The following ABR variants were observed in gnomAD, a reference collection of about 807,000 sequenced individuals.
ABR encodes active breakpoint cluster region-related protein.
A neutral mutation model predicts 107.2 loss-of-function variants in ABR; 35 were observed. The ratio of observed to expected loss-of-function variants is 0.33; its 90% CI spans 0.25 to 0.43. ABR has a LOEUF of 0.43. ABR is among the 20% of genes least tolerant of loss of function. The pLI is 1.00. For missense variants in ABR, 815 were observed against 1,115.2 expected (o/e 0.73, Z 3.83); for synonymous variants, 498 against 462.0 (o/e 1.08, Z -1.00).
At chr17:1,047,541 T>A (rs1218655064) in intron 16 of ABR, among the ~76,000 whole-genome samples, 4 of 152,242 alleles carry the variant, frequency 2.6e-5, no homozygotes, top group African/African-American at 9.6e-5. Context: ...CTTGGCATGC[T>A]GAGTGCTGGG....
At position 1,124,067 on chromosome 17, in the gene ABR, TC is replaced by T. The variant is rs60338576; in HGVS notation, c.246+1115del. On this transcript the variant is annotated intron_variant, in intron 2 of 22. Transcript: ENST00000302538. The stretch of plus-strand genomic sequence containing the variant: ...CTGTTGCCATGGCAGCAATGTGGCT[TC>T]CCCCAAGTGGGAAGCCCGTTGCCAA... Among the ~76,000 whole-genome samples the T allele has an allele frequency of 2.4e-4, 36 of 152,108 alleles. No homozygotes were observed. In the East Asian group the frequency reaches 7.0e-3, roughly 30 times the overall value.
At chr17:1,049,202 G>C (rs1176004418) in intron 16 of ABR, among the ~76,000 whole-genome samples, 1 of 151,992 alleles carries the variant, frequency 6.6e-6, no homozygotes, top group Non-Finnish European at 1.5e-5. Flanking sequence ...TTTTTTTGGA[G>C]ACACGGTCTG....
At position 1,144,243 on chromosome 17, in the gene ABR, T is replaced by A. The variant is rs574111410; in HGVS notation, c.62-18876A>T. Among the ~76,000 whole-genome samples, 3 of 152,240 alleles carry A rather than the reference T, an allele frequency of 2.0e-5. No homozygotes were observed. In the South Asian group the frequency reaches 6.2e-4, roughly 32 times the overall value. On this transcript the variant is annotated intron_variant, in intron 1 of 22. Coordinates refer to ENST00000302538, the MANE Select transcript of ABR (RefSeq NM_021962.5). ...GACGGGCCGTATAACCTTGCCATGA[T>A]ACGACGAAAGCTGACGGCATGTGTA...
intron 1 of ABR, among the ~76,000 whole-genome samples, chr17:1,128,318 G>A (rs998066648): frequency 6.6e-6 from 1 of 152,342 alleles, no homozygotes; most frequent in Admixed American, 6.5e-5. Context: ...GGCCACAGGT[G>A]GGTATGCTGA....
Position 1,012,854 on chromosome 17 carries a change from C to T in ABR, c.1852-57G>A, listed in dbSNP as rs560919804. On this transcript the variant is annotated intron_variant, in intron 17 of 22. Transcript: ENST00000302538. ...CCAGGGTGTGAGTGCCCGAGGAATG[C>T]CCCCAAAACACAGGGGTCCCCTCCC... The T allele has an allele frequency of 2.0e-5, 29 of 1,417,608 alleles. No homozygotes were observed. In the African/African-American group the frequency reaches 3.7e-4, roughly 18 times the overall value. 87.8% of individuals were successfully genotyped at this position (1,417,608 alleles called of 1,614,324 possible).
intron 1 of ABR, among the ~76,000 whole-genome samples, chr17:1,219,900 C>A (rs1285546059): frequency 6.6e-6 from 1 of 151,844 alleles, no homozygotes; most frequent in African/African-American, 2.4e-5. Context: ...AAAAATTCAA[C>A]GTGACAGCGT....
intron 1 of ABR, among the ~76,000 whole-genome samples, chr17:1,212,485 T>C (rs888303206): frequency 6.6e-6 from 1 of 152,120 alleles, no homozygotes; most frequent in East Asian, 1.9e-4. Flanking sequence ...CCAGGCACAG[T>C]GGTTCACACC....
chr17:1,082,070 G>A (rs769316173), intron 5 of ABR, among the ~76,000 whole-genome samples: 3 of 152,040 alleles, frequency 2.0e-5, no homozygotes, highest in African/African-American at 4.8e-5. Context: ...GAAGTTTCAG[G>A]AAAACTACCC....
intron 16 of ABR, among the ~76,000 whole-genome samples, chr17:1,046,216 G>A (rs1191798181): frequency 6.6e-6 from 1 of 151,686 alleles, no homozygotes; most frequent in Non-Finnish European, 1.5e-5. Context: ...ATGTTGGCCA[G>A]GCGAGTCTCA....
chr17:1,123,423 C>T (rs573993889), intron 2 of ABR, among the ~76,000 whole-genome samples: 52 of 152,272 alleles, frequency 3.4e-4, no homozygotes, highest in African/African-American at 1.1e-3. Context: ...AGTTCTGCCC[C>T]GAAGCCCCGG....
intron 16 of ABR, among the ~76,000 whole-genome samples, chr17:1,034,127 C>T (rs1027731220): frequency 6.6e-6 from 1 of 152,026 alleles, no homozygotes; most frequent in Non-Finnish European, 1.5e-5. Flanking sequence ...CCCACCACCA[C>T]GCCCGGCTAA....
At chr17:1,219,191 T>C (rs1296565539) in intron 1 of ABR, among the ~76,000 whole-genome samples, 1 of 152,016 alleles carries the variant, frequency 6.6e-6, no homozygotes, top group African/African-American at 2.4e-5. Context: ...TACAGGTGCC[T>C]GCCACCACGC....
At chr17:1,221,100 G>T (rs1015492064) in intron 1 of ABR, among the ~76,000 whole-genome samples, 2 of 152,210 alleles carry the variant, frequency 1.3e-5, no homozygotes, top group East Asian at 1.9e-4. Context: ...GGTTGGAGTC[G>T]TTGGAAAAGG....
chr17:1,207,332 T>G (rs1214668041), intron 1 of ABR, among the ~76,000 whole-genome samples: 3 of 152,088 alleles, frequency 2.0e-5, no homozygotes, highest in Non-Finnish European at 4.4e-5. Flanking sequence ...AAGGATAATT[T>G]TACAATATCT....
rs559958422 is a variant in ABR, at chr17:1,006,027, C to A, written c.*53G>T. On this transcript the variant is annotated 3_prime_UTR_variant, in exon 23 of 23. Coordinates refer to ENST00000302538, the MANE Select transcript of ABR (RefSeq NM_021962.5). ...GCAGTCTTTCAAGTCTGAGTTGGAC[C>A]CCAGGCTGGAGGGGCTGGTTCCACC... The A allele has an allele frequency of 6.4e-5, 93 of 1,463,658 alleles. No individual in the cohort carries two copies. In the South Asian group the frequency reaches 1.0e-3, roughly 16 times the overall value. The allele number at this position is 1,463,658 out of a possible 1,614,324, so 90.7% of individuals were successfully genotyped here. A position where few individuals can be genotyped will look rare whatever the true frequency, so the allele number is the denominator to read the frequency against.
chr17:1,142,471 G>A (rs1027920125), intron 1 of ABR, among the ~76,000 whole-genome samples: 1 of 152,056 alleles, frequency 6.6e-6, no homozygotes, highest in Non-Finnish European at 1.5e-5. Context: ...TGTAATCCCA[G>A]CTACTCGGGG....
intron 10 of ABR, among the ~76,000 whole-genome samples, chr17:1,059,888 G>A (rs886884007): frequency 2.0e-5 from 3 of 152,136 alleles, no homozygotes; most frequent in African/African-American, 4.8e-5. Context: ...CTCACACACC[G>A]CAGGGGGAAT....
In ABR at chr17:1,013,108, G is replaced by T. The variant is rs141106809; in HGVS notation, c.1848C>A (p.Asn616Lys). 2 of 1,614,062 alleles carry T rather than the reference G, an allele frequency of 1.2e-6. No individual in the cohort carries two copies. The highest frequency in any genetic ancestry group is 1.7e-6 in the Non-Finnish European group (2 of 1,179,960). ...KNWHTDVIEM[N>K]GIKVEFSMKF... ...ATCATTCCCATCCCCGGCTCACCCC[G>T]TTCATCTCAATCACGTCCGTGTGCC... is the stretch of plus-strand genomic sequence containing the variant. Residue 616 changes from asparagine to lysine, a missense_variant, in exon 17 of 23, where the codon AAC becomes AAA. Physicochemically the swap from Asn to Lys is moderately conservative, Grantham distance 94. This residue lies in a region of ABR where 92 missense variants were observed against 82.3 expected (regional missense o/e 1.12). Coordinates refer to ENST00000302538, the MANE Select transcript of ABR (RefSeq NM_021962.5).
chr17:1,211,760 G>A (rs2042906919), intron 1 of ABR, among the ~76,000 whole-genome samples: 1 of 152,134 alleles, frequency 6.6e-6, no homozygotes, highest in South Asian at 2.1e-4. Context: ...CTTCAGCAAT[G>A]CTAGCAAGGT....
Sources: allele counts gnomAD v4.1 joint callset (sites outside exome capture counted in the v4.1 genomes callset), GRCh38; gene constraint gnomAD v4.1.1; regional missense constraint gnomAD v4.1.1; transcripts MANE v1.5; gene names NCBI Gene and HGNC (gene_info 2026-07-23, HGNC 2026-07-21).